Variants in KCNT2 observed in about 807,000 individuals in gnomAD.
KCNT2 encodes potassium sodium-activated channel subfamily T member 2, also known as potassium channel subfamily T member 2.
KCNT2 carries 67 observed loss-of-function variants against 153.8 expected under a neutral mutation model. The ratio of observed to expected loss-of-function variants is 0.44; its 90% CI spans 0.36 to 0.53. The LOEUF is 0.53. Ranked by LOEUF, KCNT2 falls within the 20% of genes least tolerant of loss-of-function variation. The pLI, the probability that KCNT2 is intolerant of heterozygous loss-of-function variation, is 0.00. For missense variants in KCNT2, 975 were observed against 1,354.8 expected, an observed-to-expected ratio of 0.72 and a Z score of 4.40; for synonymous variants, 500 against 458.8, an observed-to-expected ratio of 1.09 and a Z score of -1.15.
At chr1:196,594,810 G>C (rs1310277308) in intron 1 of KCNT2, among the ~76,000 whole-genome samples, 1 of 152,096 alleles carries the variant, frequency 6.6e-6, no homozygotes, top group Admixed American at 6.6e-5. Context: ...ACATCAGCTT[G>C]TGAAAAGAGG....
intron 27 of KCNT2, among the ~76,000 whole-genome samples, chr1:196,230,514 A>G (rs1328581819): frequency 1.3e-5 from 2 of 152,012 alleles, no homozygotes; most frequent in African/African-American, 2.4e-5. Flanking sequence ...TCTGCAGCCC[A>G]TGGATCAAAG....
intron 8 of KCNT2, among the ~76,000 whole-genome samples, chr1:196,456,858 G>C (rs557819802): frequency 6.6e-6 from 1 of 151,862 alleles, no homozygotes; most frequent in African/African-American, 2.4e-5. Flanking sequence ...TTACCTAAAA[G>C]CCCTGGAGAC....
chr1:196,248,518 C>A (rs1387720112), intron 26 of KCNT2, among the ~76,000 whole-genome samples: 1 of 151,970 alleles, frequency 6.6e-6, no homozygotes, highest in Non-Finnish European at 1.5e-5. Flanking sequence ...CTACTATGAA[C>A]AACTATATGA....
chr1:196,385,772 A>AAAAAT (rs747480460), intron 13 of KCNT2, among the ~76,000 whole-genome samples: 3 of 148,452 alleles, frequency 2.0e-5, no homozygotes, highest in Non-Finnish European at 4.5e-5. Flanking sequence ...GCATTAAAAA[A>AAAAAT]ATATATATAT....
chr1:196,463,264 T>C (rs1043673922), intron 8 of KCNT2, among the ~76,000 whole-genome samples: 2 of 151,846 alleles, frequency 1.3e-5, no homozygotes, highest in Non-Finnish European at 2.9e-5. Flanking sequence ...AAGATATAAC[T>C]AATATATAAC....
chr1:196,416,923 C>A (rs1296846471), intron 12 of KCNT2, among the ~76,000 whole-genome samples: 2 of 151,962 alleles, frequency 1.3e-5, no homozygotes, highest in African/African-American at 4.8e-5. Flanking sequence ...TCACCACTCC[C>A]CCACTACCCT....
chr1:196,274,230 C>CAA (rs1184381324), intron 25 of KCNT2, among the ~76,000 whole-genome samples: 1 of 151,410 alleles, frequency 6.6e-6, no homozygotes, highest in East Asian at 1.9e-4. Context: ...TCTTATTCTT[C>CAA]AAATTTAAAG....
intron 8 of KCNT2, among the ~76,000 whole-genome samples, chr1:196,457,573 T>A (rs1227098730): frequency 1.4e-5 from 2 of 147,960 alleles, no homozygotes; most frequent in Admixed American, 1.4e-4. Flanking sequence ...ACAACAACTA[T>A]CATTAAGAGA....
At chr1:196,606,854 T>A (rs1558131033) in intron 1 of KCNT2, among the ~76,000 whole-genome samples, 1 of 152,190 alleles carries the variant, frequency 6.6e-6, no homozygotes, top group East Asian at 1.9e-4. Context: ...GCAGTTTATC[T>A]AAATGTCAAT....
intron 1 of KCNT2, among the ~76,000 whole-genome samples, chr1:196,525,063 C>T (rs1331427674): frequency 1.3e-5 from 2 of 152,010 alleles, no homozygotes; most frequent in Non-Finnish European, 2.9e-5. Context: ...GATTCTAGCT[C>T]AAGCATCAGA....
At chr1:196,553,140 A>G (rs1658171587) in intron 1 of KCNT2, among the ~76,000 whole-genome samples, 1 of 151,230 alleles carries the variant, frequency 6.6e-6, no homozygotes, top group Admixed American at 6.6e-5. Flanking sequence ...AGATGAAAAA[A>G]CAAGACCCAA....
At chr1:196,561,617 GCACT>G (rs1659396412) in intron 1 of KCNT2, among the ~76,000 whole-genome samples, 4 of 121,818 alleles carry the variant, frequency 3.3e-5, no homozygotes, top group Admixed American at 3.2e-4. Context: ...TCACACCACT[GCACT>G]CCAGCCTGGA....
chr1:196,383,352 C>G (rs1669672917), intron 13 of KCNT2, among the ~76,000 whole-genome samples: 1 of 152,160 alleles, frequency 6.6e-6, no homozygotes, highest in Admixed American at 6.5e-5. Context: ...AGACAGTCCA[C>G]TAATTATGCA....
chr1:196,245,226 C>G (rs912345317), intron 26 of KCNT2, among the ~76,000 whole-genome samples: 11 of 152,042 alleles, frequency 7.2e-5, no homozygotes, highest in African/African-American at 2.7e-4. Context: ...TGTGGTGGCT[C>G]ATGCCTGTAA....
At chr1:196,359,209 G>A (rs574810099) in intron 14 of KCNT2, among the ~76,000 whole-genome samples, 5 of 151,944 alleles carry the variant, frequency 3.3e-5, no homozygotes, top group Non-Finnish European at 7.4e-5. Flanking sequence ...TAGGCACCTT[G>A]TACCCTCAAA....
chr1:196,536,361 C>T (rs1274611878), intron 1 of KCNT2, among the ~76,000 whole-genome samples: 1 of 152,206 alleles, frequency 6.6e-6, no homozygotes, highest in Non-Finnish European at 1.5e-5. Context: ...GCTAACAGTG[C>T]AGATTATCAT....
At chr1:196,411,327 T>C (rs1324814789) in intron 12 of KCNT2, among the ~76,000 whole-genome samples, 1 of 151,270 alleles carries the variant, frequency 6.6e-6, no homozygotes, top group Non-Finnish European at 1.5e-5. Flanking sequence ...TTGAAATATA[T>C]TTTTAAATCA....
chr1:196,602,953 ATT>A lies in KCNT2; in HGVS notation c.95+5260_95+5261del, dbSNP rs1359144966. ...AGGCGCCCGCCACCGCGCCCGGCTA[ATT>A]TTTTGTATTTTTAGTAGAGACGGGG... On this transcript the variant is annotated intron_variant, in intron 1 of 27. Coordinates refer to ENST00000294725, the MANE Select transcript of KCNT2 (RefSeq NM_198503.5). 1.5e-3 allele frequency among the ~76,000 whole-genome samples: 221 copies of A among 150,404 alleles called. 1 individual carries two copies. The highest frequency in any genetic ancestry group is 3.8e-3 in the African/African-American group (157 of 40,932).
chr1:196,360,200 C>T (rs1352337431), intron 14 of KCNT2, among the ~76,000 whole-genome samples: 1 of 151,948 alleles, frequency 6.6e-6, no homozygotes, highest in Non-Finnish European at 1.5e-5. Context: ...TAAGAACTTA[C>T]TTTTTTATTA....
Sources: gnomAD v4.1 joint callset for allele counts (sites outside exome capture counted in the v4.1 genomes callset) on GRCh38, gnomAD v4.1.1 for gene constraint, MANE v1.5 for transcripts, NCBI Gene and HGNC (gene_info 2026-07-23, HGNC 2026-07-21) for gene names.